MON2: variants seen among roughly 807,000 people sequenced by gnomAD.
The protein encoded by MON2 is protein MON2 homolog.
Under a neutral mutation model 208.6 loss-of-function variants are expected in MON2, and 84 were observed. That is an observed-to-expected ratio of 0.40 (90% CI 0.34 to 0.48). The LOEUF (loss-of-function observed/expected upper bound fraction) is 0.48. Ranked by LOEUF, MON2 falls within the 20% of genes least tolerant of loss-of-function variation. The pLI is 0.59. For synonymous variants in MON2, 660 were observed against 694.0 expected, an observed-to-expected ratio of 0.95 and a Z score of 0.77; for missense variants, 1,611 against 2,015.4, an observed-to-expected ratio of 0.80 and a Z score of 3.84.
At chr12:62,484,915 C>CTTTTTTTTTTTTT (rs71084000) in intron 2 of MON2, 1 of 132,550 alleles carries the variant, frequency 7.5e-6, no homozygotes, top group Non-Finnish European at 1.6e-5. Context: ...GGTAAACTGG[C>CTTTTTTTTTTTTT]TTTTTTTTTT....
At position 62,543,212 on chromosome 12, in the gene MON2, C is replaced by T. The variant is rs1215079111; in HGVS notation, c.2466+14C>T. 1.1e-5 allele frequency: 15 copies of T among 1,359,012 alleles called. No individual in the cohort carries two copies. The highest frequency in any genetic ancestry group is 6.1e-5 in the African/African-American group (4 of 65,678). 84.2% of individuals were successfully genotyped at this position (1,359,012 alleles called of 1,614,324 possible). A position where few individuals can be genotyped will look rare whatever the true frequency, so the allele number is the denominator to read the frequency against. On this transcript the variant is annotated intron_variant, in intron 20 of 34. Coordinates refer to ENST00000393630, the MANE Select transcript of MON2 (RefSeq NM_015026.3). ...CATCTACTTGAGGTAAATTCTCTTT[C>T]TTAAATATATTTAATTTTTTAATAA... is the stretch of plus-strand genomic sequence containing the variant.
At position 62,501,554 on chromosome 12, in the gene MON2, G is replaced by A; in HGVS notation, c.664-19G>A. The A allele has an allele frequency of 6.2e-7, 1 of 1,610,722 alleles. No homozygotes were observed. Among genetic ancestry groups the A allele is most frequent in the Non-Finnish European group, 8.5e-7 (1 of 1,177,808 alleles). On this transcript the variant is annotated intron_variant, in intron 6 of 34. Coordinates refer to ENST00000393630, the MANE Select transcript of MON2 (RefSeq NM_015026.3). ...ACATTTAATTCTAGCATGTGAAATT[G>A]TTCGATTTATTTTCCCAGGATCTTT...
chr12:62,566,147 G>T, intron 28 of MON2, 116 bp downstream of exon 28: 1 of 1,361,616 alleles, frequency 7.3e-7, no homozygotes, highest in Non-Finnish European at 1.0e-6. Flanking sequence ...TTTTTGCCTG[G>T]CTGAAAATTA....
chr12:62,562,203 G>T (rs1460259042), intron 26 of MON2, among the ~76,000 whole-genome samples: 1 of 151,894 alleles, frequency 6.6e-6, no homozygotes, highest in Non-Finnish European at 1.5e-5. Context: ...TATCAGAAAA[G>T]AAAATAAGAC....
intron 30 of MON2, among the ~76,000 whole-genome samples, chr12:62,577,377 T>C (rs1371423038): frequency 6.6e-6 from 1 of 152,076 alleles, no homozygotes; most frequent in Non-Finnish European, 1.5e-5. Flanking sequence ...TAATACCTGA[T>C]GCAAAGTAGT....
rs1040082884 is a variant in MON2, at chr12:62,556,004, A to G, written c.3221A>G (p.His1074Arg). 2.5e-6 allele frequency: 4 copies of G among 1,607,410 alleles called. No individual in the cohort carries two copies. Among genetic ancestry groups the G allele is most frequent in the Admixed American group, 1.7e-5 (1 of 59,858 alleles). ...WHTVIWKVLF[H>R]LLDRVRESST... ...TTAATAAATATTTAGGTACTCTTTC[A>G]TCTACTGGACAGAGTTCGAGAGTCC... Residue 1074 changes from histidine to arginine, a missense_variant, in exon 25 of 35, where the codon CAT (histidine) becomes CGT (arginine). By Grantham distance (29) the His-to-Arg change is conservative. Coordinates refer to ENST00000393630, the MANE Select transcript of MON2 (RefSeq NM_015026.3).
chr12:62,535,984 T>C (rs2072948350), intron 14 of MON2, among the ~76,000 whole-genome samples: 1 of 152,030 alleles, frequency 6.6e-6, no homozygotes, highest in South Asian at 2.1e-4. Context: ...AAGTATATAA[T>C]GTGAATAGGT....
At chr12:62,557,945 TATATATATATATATA>T (rs1474724313) in intron 25 of MON2, among the ~76,000 whole-genome samples, 1,388 of 40,884 alleles carry the variant, frequency 0.034, 49 homozygotes, top group African/African-American at 0.039. Flanking sequence ...TATATATATA[TATATATATATATATA>T]TATTTTTTTT....
chr12:62,600,465 G>A lies in MON2; in HGVS notation c.*7716G>A, dbSNP rs916189249. On this transcript the variant is annotated 3_prime_UTR_variant, in exon 35 of 35. Transcript: ENST00000393630. ...TACAAGACTATACAATTAAATACTG[G>A]TGTATCACTAACAACTGTTTAGACC... The A allele has an allele frequency of 1.3e-5, 2 of 152,204 alleles. No individual in the cohort carries two copies. The highest frequency in any genetic ancestry group is 2.9e-5 in the Non-Finnish European group (2 of 68,042). 9.4% of individuals were successfully genotyped at this position (152,204 alleles called of 1,614,324 possible). A position where few individuals can be genotyped will look rare whatever the true frequency, so the allele number is the denominator to read the frequency against.
intron 32 of MON2, among the ~76,000 whole-genome samples, 169 bp from the exon 33 acceptor site, chr12:62,585,123 AAC>A (rs1273247572): frequency 0.019 from 1,888 of 97,334 alleles, 177 homozygotes; most frequent in African/African-American, 0.056. Context: ...AACAAAAAAA[AAC>A]AAAAAAAAAA....
chr12:62,534,567 A>ATATATATT (rs2072872182), intron 12 of MON2, among the ~76,000 whole-genome samples: 1 of 113,684 alleles, frequency 8.8e-6, no homozygotes, highest in African/African-American at 3.5e-5. Context: ...ATATATATAT[A>ATATATATT]TTTTATATAT....
intron 20 of MON2, 53 bp from the exon 21 acceptor site, chr12:62,544,845 G>A (rs374487150): frequency 2.5e-6 from 4 of 1,581,458 alleles, no homozygotes; most frequent in Non-Finnish European, 2.6e-6. Context: ...TAAAATTGAT[G>A]TGTGATTCAT....
chr12:62,551,550 A>G (rs1303109513), intron 23 of MON2, among the ~76,000 whole-genome samples: 1 of 152,240 alleles, frequency 6.6e-6, no homozygotes, highest in African/African-American at 2.4e-5. Flanking sequence ...TACAAGTATT[A>G]CTAAAATGTG....
intron 12 of MON2, among the ~76,000 whole-genome samples, chr12:62,534,532 A>T (rs1423605519): frequency 3.4e-4 from 17 of 49,486 alleles, no homozygotes; most frequent in East Asian, 1.1e-3. Flanking sequence ...AAAAAAAAAA[A>T]AAAAAAAAAA....
chr12:62,504,420 AT>A (rs931105063), intron 7 of MON2, among the ~76,000 whole-genome samples: 2 of 149,890 alleles, frequency 1.3e-5, no homozygotes, highest in South Asian at 2.1e-4. Flanking sequence ...AATTTTTTGT[AT>A]TTTTTTTAGT....
intron 1 of MON2, among the ~76,000 whole-genome samples, chr12:62,474,448 G>A (rs998357519): frequency 3.3e-5 from 5 of 149,860 alleles, no homozygotes; most frequent in Admixed American, 6.7e-5. Context: ...CTTTTGAGAC[G>A]AGTTTCACTC....
intron 20 of MON2, among the ~76,000 whole-genome samples, chr12:62,543,836 T>C (rs1457978658): frequency 6.6e-6 from 1 of 152,160 alleles, no homozygotes; most frequent in African/African-American, 2.4e-5. Context: ...TTGGAACTCC[T>C]GACCTCAGGT....
intron 26 of MON2, among the ~76,000 whole-genome samples, chr12:62,564,488 T>G (rs2074304964): frequency 6.6e-6 from 1 of 151,808 alleles, no homozygotes; most frequent in Non-Finnish European, 1.5e-5. Context: ...AAAGAAAAAT[T>G]TGTGGCTAGA....
chr12:62,541,161 C>T (rs1319184278), intron 19 of MON2, among the ~76,000 whole-genome samples: 1 of 152,076 alleles, frequency 6.6e-6, no homozygotes, highest in Non-Finnish European at 1.5e-5. Context: ...GTGGGCGGAT[C>T]ACCTGAGGCC....
Sources: allele counts gnomAD v4.1 joint callset (sites outside exome capture counted in the v4.1 genomes callset), GRCh38; gene constraint gnomAD v4.1.1; transcripts MANE v1.5; gene names NCBI Gene and HGNC (gene_info 2026-07-23, HGNC 2026-07-21).